SH3TC1: variants seen among roughly 807,000 people sequenced by gnomAD.
SH3TC1 encodes the protein SH3 domain and tetratricopeptide repeat-containing protein 1.
Under a neutral mutation model 117.3 loss-of-function variants are expected in SH3TC1, and 135 were observed. That is an observed-to-expected ratio of 1.15 (90% confidence interval 1.00 to 1.33). SH3TC1 has a LOEUF of 1.33. SH3TC1 is among the 40% of genes most tolerant of loss of function. The pLI, the probability that SH3TC1 is intolerant of heterozygous loss-of-function variation, is 0.00. For synonymous variants in SH3TC1, 898 were observed against 816.9 expected, an observed-to-expected ratio of 1.10 and a Z score of -1.69; for missense variants, 2,092 against 1,794.3, an observed-to-expected ratio of 1.17 and a Z score of -3.00.
In SH3TC1 at chr4:8,241,015, T is replaced by C; in HGVS notation, c.*60T>C. 2 of 1,574,790 alleles carry C rather than the reference T, an allele frequency of 1.3e-6. No homozygotes were observed. Among genetic ancestry groups the C allele is most frequent in the South Asian group, 2.2e-5 (2 of 89,816 alleles). On this transcript the variant is annotated 3_prime_UTR_variant, in exon 18 of 18. Coordinates refer to ENST00000245105, the MANE Select transcript of SH3TC1 (RefSeq NM_018986.5). Reference sequence around the variant, plus strand: ...GCTGGGGGTCTCCTGCCTCTCCTGGTGTCGCCGGTGGCTCATTTTCTGGCA... The same window carrying C: ...GCTGGGGGTCTCCTGCCTCTCCTGGCGTCGCCGGTGGCTCATTTTCTGGCA...
intron 13 of SH3TC1, 46 bp from the exon 14 acceptor site, chr4:8,233,317 C>A: frequency 6.4e-7 from 1 of 1,561,898 alleles, no homozygotes; most frequent in South Asian, 1.2e-5. Context: ...CAGACTGGTT[C>A]CAGGAGGATG....
chr4:8,219,032 G>C lies in SH3TC1; in HGVS notation c.917-303G>C, dbSNP rs574695341. Reference sequence around the variant, plus strand: ...GCCGGGTGGGGAGTAGGTGGGGCCGGGGGTTGTGGCTGCAGAAGGAAAGGA... The same window carrying C: ...GCCGGGTGGGGAGTAGGTGGGGCCGCGGGTTGTGGCTGCAGAAGGAAAGGA... On this transcript the variant is annotated intron_variant, in intron 8 of 17. Transcript: ENST00000245105. Among the ~76,000 whole-genome samples, 7 of 152,108 alleles carry C rather than the reference G, an allele frequency of 4.6e-5. No homozygotes were observed. In the East Asian group the frequency reaches 7.8e-4, roughly 17 times the overall value.
intron 11 of SH3TC1, 95 bp from the exon 12 acceptor site, chr4:8,226,885 G>A (rs1460592938): frequency 1.1e-6 from 1 of 887,180 alleles, no homozygotes. Flanking sequence ...GCTGCGCCGG[G>A]GACACAGAGG....
rs1392733915 is a variant in SH3TC1, at chr4:8,205,232, C to A, written c.38C>A (p.Thr13Asn). ...NLPAVTTEEP[T>N]PMGRGPVGPS... is the part of the protein sequence containing the mutation. ...CCTGCCGTGACCACTGAGGAGCCGA[C>A]CCCCATGGGGAGGGGTCCTGTGGGA... is the stretch of plus-strand genomic sequence containing the variant. The change falls in exon 2 of 18, where the codon ACC (threonine) becomes AAC (asparagine). Residue 13 changes from threonine to asparagine, a missense_variant. Coordinates refer to ENST00000245105, the MANE Select transcript of SH3TC1 (RefSeq NM_018986.5). The surrounding 1 kb of genome is among the most constrained non-coding windows in gnomAD (Gnocchi z 5.4). 2 of 1,548,632 alleles carry A rather than the reference C, an allele frequency of 1.3e-6. No homozygotes were observed. The highest frequency in any genetic ancestry group is 2.4e-5 in the East Asian group (1 of 40,972).
intron 1 of SH3TC1, among the ~76,000 whole-genome samples, chr4:8,204,440 C>G (rs1232616487): frequency 6.6e-6 from 1 of 152,174 alleles, no homozygotes; most frequent in South Asian, 2.1e-4. Flanking sequence ...CATTGCTCCC[C>G]GAGGCTCTGG....
chr4:8,191,659 C>A (rs1717419168), intron 1 of SH3TC1, among the ~76,000 whole-genome samples: 1 of 152,186 alleles, frequency 6.6e-6, no homozygotes, highest in East Asian at 1.9e-4. Flanking sequence ...TCATGCCGGC[C>A]CGGATACACC....
At chr4:8,233,282 C>T (rs1721414198) in intron 13 of SH3TC1, 81 bp from the exon 14 acceptor site, 2 of 1,516,214 alleles carry the variant, frequency 1.3e-6, no homozygotes, top group African/African-American at 1.4e-5. Flanking sequence ...CCAGATTCAT[C>T]TGTCACCAGA....
In SH3TC1 at chr4:8,227,979, C is replaced by T. The variant is rs1177119567; in HGVS notation, c.2285C>T (p.Pro762Leu). The change falls in exon 12 of 18, where the codon CCT (proline) becomes CTT (leucine). Residue 762 changes from proline to leucine, a missense_variant. Pro to Leu is a moderately conservative substitution (Grantham distance 98). Coordinates refer to ENST00000245105, the MANE Select transcript of SH3TC1 (RefSeq NM_018986.5). ...AACGCCCCCCAGCCCCACAGCCTCC[C>T]TGCCCAAACTTCCCACTACCTCAGG... Reference protein sequence around the residue: ...LQNAPQPHSLPAQTSHYLRQA... With the variant: ...LQNAPQPHSLLAQTSHYLRQA... 1 of 1,612,314 alleles carries T rather than the reference C, an allele frequency of 6.2e-7. No homozygotes were observed. The highest frequency in any genetic ancestry group is 1.3e-5 in the African/African-American group (1 of 74,930).
Position 8,232,145 on chromosome 4 carries a change from G to C in SH3TC1, c.3120G>C (p.Leu1040=). Residue 1040 remains leucine (L), a synonymous_variant, in exon 13 of 18, where the codon CTG becomes CTC. Transcript: ENST00000245105. ...LETISQLYLS[L]GTERAYKSAL... ...CCATCAGCCAGCTCTACCTGTCCCT[G>C]GGCACCGAGCGGTGAGGGCTGGCTC... 1 of 1,358,984 alleles carries C rather than the reference G, an allele frequency of 7.4e-7. No homozygotes were observed. The highest frequency in any genetic ancestry group is 9.8e-7 in the Non-Finnish European group (1 of 1,022,166). The allele number at this position is 1,358,984 out of a possible 1,614,324, so 84.2% of individuals were successfully genotyped here.
At chr4:8,197,748 C>T (rs1181549298), upstream of SH3TC1, among the ~76,000 whole-genome samples, 1 of 152,168 alleles carries the variant, frequency 6.6e-6, no homozygotes, top group Non-Finnish European at 1.5e-5. Context: ...AGGGCATCTG[C>T]AGCTGCACCC....
Position 8,209,547 on chromosome 4 carries a change from C to T in SH3TC1, c.173-201C>T. 8.1e-7 allele frequency: 1 copy of T among 1,234,366 alleles called. No homozygotes were observed. Among genetic ancestry groups the T allele is most frequent in the Non-Finnish European group, 1.1e-6 (1 of 883,134 alleles). The allele number at this position is 1,234,366 out of a possible 1,614,324, so 76.5% of individuals were successfully genotyped here. A position where few individuals can be genotyped will look rare whatever the true frequency, so the allele number is the denominator to read the frequency against. On this transcript the variant is annotated intron_variant, in intron 2 of 17. Transcript: ENST00000245105. The surrounding 1 kb of genome is among the most constrained non-coding windows in gnomAD (Gnocchi z 5.9). ...AGCCTCTGAGTGTGGGGCAGCTTGT[C>T]ACAGCATGCTGGGAAGTGCAGGCAG...
chr4:8,234,830 C>T (rs145144494), intron 14 of SH3TC1, among the ~76,000 whole-genome samples: 320 of 152,350 alleles, frequency 2.1e-3, no homozygotes, highest in Middle Eastern at 0.01. Flanking sequence ...AGTTAACATA[C>T]AGAAGAACTT....
intron 6 of SH3TC1, among the ~76,000 whole-genome samples, chr4:8,216,584 A>G (rs1719299130): frequency 6.6e-6 from 1 of 152,160 alleles, no homozygotes; most frequent in Non-Finnish European, 1.5e-5. Flanking sequence ...AGGAGGGGAC[A>G]TGAGGCTGTC....
In SH3TC1 at chr4:8,227,093, G is replaced by T; in HGVS notation, c.1399G>T (p.Gly467Cys). 6.2e-7 allele frequency: 1 copy of T among 1,612,470 alleles called. No homozygotes were observed. The highest frequency in any genetic ancestry group is 2.2e-5 in the East Asian group (1 of 44,864). The change falls in exon 12 of 18, where the codon GGT becomes TGT. Residue 467 changes from glycine (G) to cysteine (C), a missense_variant. Transcript: ENST00000245105. ...CTGCCCCCAGGAGCCAGCGTCCTGGGGTCTCTGTGCGGCATCCAGCGACGT... is the reference window on the plus strand; with the variant it reads ...CTGCCCCCAGGAGCCAGCGTCCTGGTGTCTCTGTGCGGCATCCAGCGACGT... ...PGCPQEPASW[G>C]LCAASSDVSL...
chr4:8,237,201 C>A, intron 16 of SH3TC1: 1 of 392,924 alleles, frequency 2.5e-6, no homozygotes, highest in South Asian at 9.7e-5. Context: ...TTGGGCTCTC[C>A]TGGTTAAAAA....
At position 8,205,517 on chromosome 4, in the gene SH3TC1, C is replaced by A. The variant is rs777775094; in HGVS notation, c.172+151C>A. The A allele has an allele frequency of 1.1e-4, 124 of 1,095,258 alleles. No homozygotes were observed. Among genetic ancestry groups the A allele is most frequent in the Non-Finnish European group, 1.7e-4 (119 of 715,950 alleles). The allele number at this position is 1,095,258 out of a possible 1,614,324, so 67.8% of individuals were successfully genotyped here. ...GCTCTCCATCACTTCTCGTTTCCTT[C>A]CCCCGCGTGTGTTTAACAGGAGCCA... On this transcript the variant is annotated intron_variant, in intron 2 of 17. Transcript: ENST00000245105. This position sits in a 1 kb window ranked among gnomAD's most constrained non-coding sequence, Gnocchi z 5.4.
intron 1 of SH3TC1, among the ~76,000 whole-genome samples, chr4:8,184,857 G>GTTA (rs201990399): frequency 1.2e-5 from 1 of 86,162 alleles, no homozygotes; most frequent in African/African-American, 3.5e-5. Flanking sequence ...TTGTGATACA[G>GTTA]TTAATTCTTT....
At position 8,235,569 on chromosome 4, in the gene SH3TC1, T is replaced by G. The variant is rs1297669310; in HGVS notation, c.3405+14T>G. 6.3e-7 allele frequency: 1 copy of G among 1,578,814 alleles called. No homozygotes were observed. Among genetic ancestry groups the G allele is most frequent in the South Asian group, 1.1e-5 (1 of 86,972 alleles). The stretch of plus-strand genomic sequence containing the variant: ...TCCTTCTACCGGGTGAGCTGGCCTG[T>G]GGGCTGATGTGGGTGGGCCCCAGGG... On this transcript the variant is annotated intron_variant, in intron 15 of 17. Coordinates refer to ENST00000245105, the MANE Select transcript of SH3TC1 (RefSeq NM_018986.5).
chr4:8,240,280 G>A (rs1304502457), intron 17 of SH3TC1, among the ~76,000 whole-genome samples: 6 of 152,194 alleles, frequency 3.9e-5, no homozygotes, highest in Admixed American at 6.5e-5. Context: ...TACCTGGCCC[G>A]GCCCATGGAG....
Sources: gnomAD v4.1 joint callset for allele counts (sites outside exome capture counted in the v4.1 genomes callset) on GRCh38, gnomAD v4.1.1 for gene constraint, Gnocchi (gnomAD v3.1) non-coding constraint, MANE v1.5 for transcripts, NCBI Gene and HGNC (gene_info 2026-07-23, HGNC 2026-07-21) for gene names.